The following GLCCI1 variants were observed in gnomAD, a reference collection of about 807,000 sequenced individuals.
GLCCI1 encodes glucocorticoid induced 1.
A neutral mutation model predicts 52.2 loss-of-function variants in GLCCI1; 24 were observed. The ratio of observed to expected loss-of-function variants is 0.46; its 90% confidence interval spans 0.33 to 0.65. The LOEUF (loss-of-function observed/expected upper bound fraction) is 0.65, where lower values mean the gene tolerates loss of function less well. GLCCI1 is among the 30% of genes least tolerant of loss of function. The pLI is 0.02. For synonymous variants in GLCCI1, 310 were observed against 276.5 expected (o/e 1.12, Z -1.20); for missense variants, 704 against 701.5 (o/e 1.00, Z -0.04).
intron 2 of GLCCI1, among the ~76,000 whole-genome samples, chr7:8,014,134 C>T (rs942545121): frequency 6.6e-5 from 10 of 151,958 alleles, no homozygotes; most frequent in Admixed American, 1.3e-4. Context: ...GAATTACAGG[C>T]GCCCGCCACC....
At chr7:8,003,342 C>CAG (rs1781082833) in intron 1 of GLCCI1, among the ~76,000 whole-genome samples, 1 of 152,138 alleles carries the variant, frequency 6.6e-6, no homozygotes, top group African/African-American at 2.4e-5. Flanking sequence ...GTAGAATGTA[C>CAG]AGAGGCAGAA....
chr7:8,026,631 C>T (rs577032821), intron 3 of GLCCI1, among the ~76,000 whole-genome samples: 22 of 152,336 alleles, frequency 1.4e-4, no homozygotes, highest in African/African-American at 4.1e-4. Flanking sequence ...AAGAGCACAG[C>T]GACTGGGGAA....
At position 7,968,907 on chromosome 7, in the gene GLCCI1, G is replaced by C. The variant is rs1027904817; in HGVS notation, c.-444G>C. 2 of 155,164 alleles carry C rather than the reference G, an allele frequency of 1.3e-5. No individual in the cohort carries two copies. The highest frequency in any genetic ancestry group is 4.8e-5 in the African/African-American group (2 of 41,410). 9.6% of individuals were successfully genotyped at this position (155,164 alleles called of 1,614,324 possible). On this transcript the variant is annotated 5_prime_UTR_variant, in exon 1 of 8. Coordinates refer to ENST00000223145, the MANE Select transcript of GLCCI1 (RefSeq NM_138426.4). ...CCTCGAGGCCCTTTCTCTCTACCCT[G>C]GTCCCCAGAAGCAGGGGTCCCGGCC...
chr7:8,081,699 C>G (rs1782997335), intron 6 of GLCCI1, among the ~76,000 whole-genome samples: 1 of 152,156 alleles, frequency 6.6e-6, no homozygotes, highest in Admixed American at 6.6e-5. Context: ...AATAACTTCT[C>G]TAATTTTTCC....
intron 3 of GLCCI1, among the ~76,000 whole-genome samples, chr7:8,029,193 A>G (rs1781692633): frequency 6.6e-6 from 1 of 152,184 alleles, no homozygotes; most frequent in African/African-American, 2.4e-5. Context: ...TATGGATGCA[A>G]AAATCCTCAA....
chr7:7,988,674 AGAT>A (rs1347259718), intron 1 of GLCCI1, among the ~76,000 whole-genome samples: 1 of 152,186 alleles, frequency 6.6e-6, no homozygotes, highest in Admixed American at 6.5e-5. Context: ...TTATGGTGAC[AGAT>A]GATGATGCTT....
intron 1 of GLCCI1, among the ~76,000 whole-genome samples, chr7:7,970,253 G>A (rs747819273): frequency 1.3e-5 from 2 of 152,174 alleles, no homozygotes; most frequent in Non-Finnish European, 2.9e-5. Flanking sequence ...TTATTTTTTA[G>A]AGGGTTGGTG....
At chr7:8,047,651 T>G (rs1782162570) in intron 3 of GLCCI1, among the ~76,000 whole-genome samples, 1 of 152,202 alleles carries the variant, frequency 6.6e-6, no homozygotes, top group African/African-American at 2.4e-5. Flanking sequence ...ATCTACAATT[T>G]CAGAAGAAAC....
At chr7:7,994,243 G>A (rs1393262073) in intron 1 of GLCCI1, among the ~76,000 whole-genome samples, 2 of 152,096 alleles carry the variant, frequency 1.3e-5, no homozygotes, top group African/African-American at 2.4e-5. Context: ...GACAGAGTGA[G>A]ACTCTGTCTC....
At chr7:8,075,402 A>C (rs1188659680) in intron 6 of GLCCI1, among the ~76,000 whole-genome samples, 3 of 152,214 alleles carry the variant, frequency 2.0e-5, no homozygotes, top group African/African-American at 7.2e-5. Flanking sequence ...TGTGTGGAGA[A>C]TTCAGAGATC....
At chr7:7,982,113 A>G in intron 1 of GLCCI1, 1 of 422,026 alleles carries the variant, frequency 2.4e-6, no homozygotes, top group East Asian at 6.8e-5. Flanking sequence ...AATGGCCATT[A>G]TAGTAATAGT....
chr7:8,022,397 T>C, intron 2 of GLCCI1, 86 bp from the exon 3 acceptor site: 1 of 703,558 alleles, frequency 1.4e-6, no homozygotes. Context: ...TGGTAAGTGC[T>C]AAGAATTTTA....
At chr7:8,007,374 A>C (rs1460386750) in intron 2 of GLCCI1, among the ~76,000 whole-genome samples, 1 of 152,226 alleles carries the variant, frequency 6.6e-6, no homozygotes, top group Non-Finnish European at 1.5e-5. Flanking sequence ...TGTACGTAGT[A>C]CGTATTAAGC....
intron 1 of GLCCI1, chr7:7,980,547 A>G (rs2115406993): frequency 1.9e-6 from 1 of 520,124 alleles, no homozygotes; most frequent in Non-Finnish European, 3.5e-6. Flanking sequence ...TTATCATACA[A>G]ACTGTTGATC....
chr7:8,030,105 G>C (rs548728757), intron 3 of GLCCI1, among the ~76,000 whole-genome samples: 1 of 152,232 alleles, frequency 6.6e-6, no homozygotes, highest in Admixed American at 6.5e-5. Context: ...TAAGCGAAAA[G>C]AACAAAACCG....
chr7:7,996,283 TC>T (rs1780935355), intron 1 of GLCCI1, among the ~76,000 whole-genome samples: 1 of 152,200 alleles, frequency 6.6e-6, no homozygotes, highest in South Asian at 2.1e-4. Flanking sequence ...TTAACAGAAT[TC>T]ATTTGAAATT....
intron 3 of GLCCI1, among the ~76,000 whole-genome samples, chr7:8,054,243 A>T (rs1035701013): frequency 6.6e-6 from 1 of 152,106 alleles, no homozygotes; most frequent in African/African-American, 2.4e-5. Flanking sequence ...ACAAATTTTG[A>T]TTCATTTTCT....
chr7:8,088,352 T>C lies in GLCCI1; in HGVS notation c.*1814T>C, dbSNP rs1222162689. The C allele has an allele frequency of 1.3e-5, 2 of 152,476 alleles. No individual in the cohort carries two copies. The highest frequency in any genetic ancestry group is 4.8e-5 in the African/African-American group (2 of 41,398). The allele number at this position is 152,476 out of a possible 1,614,324, so 9.4% of individuals were successfully genotyped here. Reference sequence around the variant, plus strand: ...CGTAATATTTTCTCCTGAAGGTGCATTCTGGCTCCTTTAAATTAGTCAGTG... The same window carrying C: ...CGTAATATTTTCTCCTGAAGGTGCACTCTGGCTCCTTTAAATTAGTCAGTG... On this transcript the variant is annotated 3_prime_UTR_variant, in exon 8 of 8. Coordinates refer to ENST00000223145, the MANE Select transcript of GLCCI1 (RefSeq NM_138426.4).
Position 7,969,703 on chromosome 7 carries a change from C to G in GLCCI1, c.353C>G (p.Ala118Gly). ...SPTPPAAAAPAEQAPRAKGRP... is the reference protein window; with the variant it reads ...SPTPPAAAAPGEQAPRAKGRP... Reference sequence around the variant, plus strand: ...ACGCCGCCGGCGGCCGCAGCCCCGGCCGAGCAGGCGCCGCGGGCCAAGGGC... The same window carrying G: ...ACGCCGCCGGCGGCCGCAGCCCCGGGCGAGCAGGCGCCGCGGGCCAAGGGC... The change falls in exon 1 of 8, where the codon GCC becomes GGC. Residue 118 changes from alanine (A) to glycine (G), a missense_variant. Physicochemically the swap from Ala to Gly is moderately conservative, Grantham distance 60. This residue lies in a region of GLCCI1 where 547 missense variants were observed against 524.8 expected (regional missense o/e 1.04). Transcript: ENST00000223145. The surrounding 1 kb of genome is among the most constrained non-coding windows in gnomAD (Gnocchi z 4.9). 1 of 1,281,886 alleles carries G rather than the reference C, an allele frequency of 7.8e-7. No individual in the cohort carries two copies. The highest frequency in any genetic ancestry group is 9.9e-7 in the Non-Finnish European group (1 of 1,007,894). 79.4% of individuals were successfully genotyped at this position (1,281,886 alleles called of 1,614,324 possible).
Sources: allele counts gnomAD v4.1 joint callset (sites outside exome capture counted in the v4.1 genomes callset), GRCh38; gene constraint gnomAD v4.1.1; regional missense constraint gnomAD v4.1.1; non-coding constraint Gnocchi (gnomAD v3.1); transcripts MANE v1.5; gene names NCBI Gene and HGNC (gene_info 2026-07-23, HGNC 2026-07-21).